Variants in ANO2 observed in about 807,000 individuals in gnomAD.
The protein encoded by ANO2 is anoctamin-2.
A neutral mutation model predicts 124.2 loss-of-function variants in ANO2; 101 were observed. That is an observed-to-expected ratio of 0.81 (90% CI 0.69 to 0.96). ANO2 has a LOEUF of 0.96. Among genes scored for constraint, ANO2 ranks in the 40% least tolerant of loss-of-function variants. The pLI, the probability that ANO2 is intolerant of heterozygous loss-of-function variation, is 0.00. For missense variants in ANO2, 1,293 were observed against 1,274.5 expected, an observed-to-expected ratio of 1.01 and a Z score of -0.22; for synonymous variants, 486 against 482.5, an observed-to-expected ratio of 1.01 and a Z score of -0.09.
Position 5,563,089 on chromosome 12 carries a change from A to T in ANO2, c.*210T>A. 1.4e-6 allele frequency: 1 copy of T among 728,694 alleles called. No homozygotes were observed. Among genetic ancestry groups the T allele is most frequent in the Non-Finnish European group, 2.2e-6 (1 of 461,034 alleles). 45.1% of individuals were successfully genotyped at this position (728,694 alleles called of 1,614,324 possible). ...TTAAAAGGGGACCTAAAAGAAACTTAAGCTTGAAGTTTCTGAGATGTAGCA... is the reference window on the plus strand; with the variant it reads ...TTAAAAGGGGACCTAAAAGAAACTTTAGCTTGAAGTTTCTGAGATGTAGCA... On this transcript the variant is annotated 3_prime_UTR_variant, in exon 25 of 25. Coordinates refer to ENST00000682330, the MANE Select transcript of ANO2 (RefSeq NM_001364791.2).
chr12:5,746,944 T>G (rs1262089216), intron 11 of ANO2, among the ~76,000 whole-genome samples: 3 of 152,200 alleles, frequency 2.0e-5, no homozygotes, highest in African/African-American at 7.2e-5. Context: ...GACAGGGAAG[T>G]TCTATAGAGG....
At chr12:5,711,344 T>C (rs1949809839) in intron 14 of ANO2, among the ~76,000 whole-genome samples, 1 of 152,070 alleles carries the variant, frequency 6.6e-6, no homozygotes, top group Admixed American at 6.6e-5. Context: ...CCTCTCTTGC[T>C]TCCTCTCTTG....
intron 14 of ANO2, among the ~76,000 whole-genome samples, chr12:5,699,605 T>C (rs959697389): frequency 3.3e-5 from 5 of 151,868 alleles, no homozygotes; most frequent in Non-Finnish European, 5.9e-5. Context: ...TAATCTTAAA[T>C]GTAAATAGGC....
chr12:5,878,125 T>G (rs1938233771), intron 3 of ANO2, among the ~76,000 whole-genome samples: 1 of 152,272 alleles, frequency 6.6e-6, no homozygotes, highest in African/African-American at 2.4e-5. Context: ...TTTTCCATTT[T>G]ACTACAATCA....
At chr12:5,888,854 G>A (rs1591747542) in intron 3 of ANO2, among the ~76,000 whole-genome samples, 1 of 152,238 alleles carries the variant, frequency 6.6e-6, no homozygotes, top group South Asian at 2.1e-4. Flanking sequence ...CCACACTGGG[G>A]CCGCAGGTGG....
chr12:5,801,110 G>A (rs1262449504), intron 9 of ANO2, among the ~76,000 whole-genome samples: 4 of 152,190 alleles, frequency 2.6e-5, no homozygotes, highest in South Asian at 2.1e-4. Context: ...CAGGTCAGAT[G>A]AGCAGTGACC....
intron 3 of ANO2, among the ~76,000 whole-genome samples, chr12:5,880,629 T>C (rs1000232766): frequency 3.9e-5 from 6 of 152,134 alleles, no homozygotes; most frequent in African/African-American, 7.2e-5. Context: ...TCAAATGCAA[T>C]AGAAAAATCA....
At chr12:5,657,208 G>A (rs765497934) in intron 14 of ANO2, among the ~76,000 whole-genome samples, 2 of 152,206 alleles carry the variant, frequency 1.3e-5, no homozygotes, top group African/African-American at 2.4e-5. Flanking sequence ...TTGATGGGGG[G>A]TGGAGGTGGC....
At chr12:5,834,498 A>G (rs1454856981) in intron 4 of ANO2, among the ~76,000 whole-genome samples, 2 of 152,232 alleles carry the variant, frequency 1.3e-5, no homozygotes, top group African/African-American at 4.8e-5. Context: ...TTAGAAACAT[A>G]TTCGTTGAGG....
At chr12:5,854,582 T>C (rs1955042472) in intron 3 of ANO2, among the ~76,000 whole-genome samples, 1 of 152,200 alleles carries the variant, frequency 6.6e-6, no homozygotes, top group East Asian at 1.9e-4. Flanking sequence ...TGTTTATTGT[T>C]CAAGTTTGTA....
At chr12:5,717,458 T>C (rs1381796001) in intron 14 of ANO2, among the ~76,000 whole-genome samples, 1 of 152,168 alleles carries the variant, frequency 6.6e-6, no homozygotes, top group Admixed American at 6.5e-5. Flanking sequence ...TCTAAAGAGA[T>C]TAGAGATGTA....
intron 14 of ANO2, among the ~76,000 whole-genome samples, chr12:5,723,255 G>A (rs901107136): frequency 5.3e-5 from 8 of 152,182 alleles, no homozygotes; most frequent in Admixed American, 3.3e-4. Context: ...GGTGTGATGT[G>A]GTGGCCGTGA....
chr12:5,890,902 T>C (rs1408485261), intron 3 of ANO2, among the ~76,000 whole-genome samples: 1 of 152,152 alleles, frequency 6.6e-6, no homozygotes, highest in African/African-American at 2.4e-5. Flanking sequence ...ACAGAAAACA[T>C]TGTTTGCCTT....
At chr12:5,898,593 C>T (rs1322386949) in intron 3 of ANO2, among the ~76,000 whole-genome samples, 1 of 152,190 alleles carries the variant, frequency 6.6e-6, no homozygotes, top group Non-Finnish European at 1.5e-5. Flanking sequence ...ATAGATTAAT[C>T]GCACACACTT....
chr12:5,938,755 G>A (rs11063938), intron 1 of ANO2, among the ~76,000 whole-genome samples: 14,748 of 151,918 alleles, frequency 0.097, 1,143 homozygotes, highest in African/African-American at 0.21. Flanking sequence ...AACCCGGGAG[G>A]CAGAGGTTGC....
intron 1 of ANO2, among the ~76,000 whole-genome samples, chr12:5,923,078 A>ACATACACACACG (rs1388756998): frequency 0.39 from 8,330 of 21,264 alleles, 2,481 homozygotes; most frequent in South Asian, 0.66. Context: ...ACACATGCAC[A>ACATACACACACG]CATACACACA....
At chr12:5,694,207 G>A (rs979013279) in intron 14 of ANO2, among the ~76,000 whole-genome samples, 3 of 149,702 alleles carry the variant, frequency 2.0e-5, no homozygotes, top group Admixed American at 1.3e-4. Context: ...CCAAAGCTTC[G>A]AGGATCTCTG....
chr12:5,918,957 G>C (rs1265627711), intron 3 of ANO2, among the ~76,000 whole-genome samples: 1 of 152,142 alleles, frequency 6.6e-6, no homozygotes, highest in African/African-American at 2.4e-5. Context: ...GTTCAGGGAG[G>C]TCACTCATAT....
intron 3 of ANO2, among the ~76,000 whole-genome samples, chr12:5,886,944 A>G (rs907636108): frequency 2.0e-5 from 3 of 152,218 alleles, no homozygotes; most frequent in Non-Finnish European, 1.5e-5. Context: ...GGGTGGCCGG[A>G]GCATTAGTGT....
Sources: gnomAD v4.1 joint callset for allele counts (sites outside exome capture counted in the v4.1 genomes callset) on GRCh38, gnomAD v4.1.1 for gene constraint, MANE v1.5 for transcripts, NCBI Gene and HGNC (gene_info 2026-07-23, HGNC 2026-07-21) for gene names.